ASTN2: variants seen among roughly 807,000 people sequenced by gnomAD.
ASTN2 encodes astrotactin-2.
ASTN2 carries 54 observed loss-of-function variants against 139.8 expected under a neutral mutation model. That is an observed-to-expected ratio of 0.39 (90% CI 0.31 to 0.48). The LOEUF (loss-of-function observed/expected upper bound fraction) is 0.48. ASTN2 is among the 20% of genes least tolerant of loss of function. ASTN2 has a pLI of 0.95. For missense variants in ASTN2, 1,565 were observed against 1,725.1 expected (o/e 0.91, Z 1.64); for synonymous variants, 756 against 719.5 (o/e 1.05, Z -0.81).
At chr9:116,751,136 C>T (rs370707780) in intron 13 of ASTN2, among the ~76,000 whole-genome samples, 2 of 152,258 alleles carry the variant, frequency 1.3e-5, no homozygotes. Flanking sequence ...TGTTAAATTT[C>T]AGGAGCCTCA....
intron 10 of ASTN2, among the ~76,000 whole-genome samples, chr9:116,919,927 C>T (rs113801957): frequency 0.045 from 6,327 of 140,108 alleles, 284 homozygotes; most frequent in African/African-American, 0.12. Context: ...GGTGACAGAG[C>T]GAGAATCTGT....
In ASTN2 at chr9:116,651,499, G is replaced by C. The variant is rs771077650; in HGVS notation, c.3072+29C>G. On this transcript the variant is annotated intron_variant, in intron 17 of 22. Transcript: ENST00000313400. ...GGAGGTAGGAGGGCTGGTCAAGTTTGACTGAGTGGCTGGGCCAGGGGAGCT... is the reference window on the plus strand; with the variant it reads ...GGAGGTAGGAGGGCTGGTCAAGTTTCACTGAGTGGCTGGGCCAGGGGAGCT... 3 of 1,604,354 alleles carry C rather than the reference G, an allele frequency of 1.9e-6. No individual in the cohort carries two copies. In the East Asian group the frequency reaches 6.7e-5, roughly 36 times the overall value.
intron 11 of ASTN2, among the ~76,000 whole-genome samples, chr9:116,858,383 G>C (rs187137117): frequency 9.9e-5 from 15 of 152,282 alleles, no homozygotes; most frequent in Non-Finnish European, 1.3e-4. Flanking sequence ...TAATCAAAAG[G>C]CTTCCTGTGC....
chr9:117,112,006 TA>T lies in ASTN2; in HGVS notation c.1169-15856del, dbSNP rs149500481. On this transcript the variant is annotated intron_variant, in intron 4 of 22. Coordinates refer to ENST00000313400, the MANE Select transcript of ASTN2 (RefSeq NM_001365068.1). The stretch of plus-strand genomic sequence containing the variant: ...ATTTCTACATACTGGCAGCAAAAGC[TA>T]AAAAAAAAATTCAAAAATAATTCTA... Among the ~76,000 whole-genome samples, 28 of 148,718 alleles carry T rather than the reference TA, an allele frequency of 1.9e-4. No homozygotes were observed. The South Asian group carries it at 1.9e-3, about 10-fold the overall frequency.
At chr9:117,398,861 A>G (rs1284203142) in intron 1 of ASTN2, among the ~76,000 whole-genome samples, 13 of 152,210 alleles carry the variant, frequency 8.5e-5, no homozygotes, top group Admixed American at 7.2e-4. Context: ...GGCTCACTGC[A>G]GCCTCCGCCT....
chr9:116,997,796 T>G lies in ASTN2; in HGVS notation c.1591+10296A>C, dbSNP rs529280101. On this transcript the variant is annotated intron_variant, in intron 7 of 22. Transcript: ENST00000313400. ...AGCTATATAAAGTCTTTGCATGGTG[T>G]TTGGTACACAATAAGTGCCTAATAA... Among the ~76,000 whole-genome samples, 6 of 152,354 alleles carry G rather than the reference T, an allele frequency of 3.9e-5. No homozygotes were observed. In the South Asian group the frequency reaches 1.2e-3, roughly 32 times the overall value.
At chr9:117,098,919 G>A (rs1587961391) in intron 4 of ASTN2, among the ~76,000 whole-genome samples, 2 of 151,868 alleles carry the variant, frequency 1.3e-5, no homozygotes, top group Non-Finnish European at 2.9e-5. Flanking sequence ...ACCAGCCTGG[G>A]CAACACGGTG....
rs538264566 is a variant in ASTN2, at chr9:117,282,618, T to C, written c.630+8708A>G. Among the ~76,000 whole-genome samples the C allele has an allele frequency of 1.1e-4, 17 of 149,782 alleles. No homozygotes were observed. In the South Asian group the frequency reaches 2.1e-3, roughly 18 times the overall value. ...TGGCTCTGGGCTTGGCCATGTGATG[T>C]GCTTTGGCCGATAGAATGTGAGAGA... On this transcript the variant is annotated intron_variant, in intron 2 of 22. Coordinates refer to ENST00000313400, the MANE Select transcript of ASTN2 (RefSeq NM_001365068.1).
chr9:116,773,083 C>T (rs1440362509), intron 13 of ASTN2, among the ~76,000 whole-genome samples: 2 of 78,640 alleles, frequency 2.5e-5, no homozygotes, highest in Non-Finnish European at 5.6e-5. Context: ...GACCTCCATC[C>T]TATTTTTTTT....
intron 1 of ASTN2, among the ~76,000 whole-genome samples, chr9:117,298,670 G>GTGTA (rs1554717041): frequency 4.1e-4 from 56 of 136,468 alleles, no homozygotes; most frequent in South Asian, 2.2e-3. Flanking sequence ...ATATATATGT[G>GTGTA]TATATATATA....
chr9:117,210,194 A>C (rs1321057852), intron 3 of ASTN2, among the ~76,000 whole-genome samples: 1 of 152,146 alleles, frequency 6.6e-6, no homozygotes, highest in African/African-American at 2.4e-5. Flanking sequence ...AGAATGAAAG[A>C]AATAGATCAG....
intron 2 of ASTN2, among the ~76,000 whole-genome samples, chr9:117,244,595 G>C (rs1477453157): frequency 1.6e-5 from 2 of 125,198 alleles, no homozygotes; most frequent in African/African-American, 3.0e-5. Flanking sequence ...GGGAGGGAGG[G>C]AGGGAGGGAG....
intron 19 of ASTN2, among the ~76,000 whole-genome samples, chr9:116,617,075 C>T (rs1855895629): frequency 6.6e-6 from 1 of 152,222 alleles, no homozygotes; most frequent in African/African-American, 2.4e-5. Context: ...CTGTCTCTTT[C>T]AGTCAATAAT....
intron 7 of ASTN2, among the ~76,000 whole-genome samples, chr9:116,996,843 G>T (rs1377588264): frequency 1.3e-5 from 2 of 151,766 alleles, no homozygotes; most frequent in African/African-American, 4.8e-5. Context: ...AACCTTCCTG[G>T]ATTTATTTTT....
intron 10 of ASTN2, among the ~76,000 whole-genome samples, chr9:116,881,979 C>T (rs1204857089): frequency 6.6e-6 from 1 of 152,134 alleles, no homozygotes; most frequent in African/African-American, 2.4e-5. Flanking sequence ...CAGTGATCAT[C>T]AATAATTGTA....
At chr9:116,905,621 A>G (rs545661709) in intron 10 of ASTN2, among the ~76,000 whole-genome samples, 1 of 152,318 alleles carries the variant, frequency 6.6e-6, no homozygotes, top group African/African-American at 2.4e-5. Flanking sequence ...CAAATTGCCT[A>G]GTACAATAAG....
intron 19 of ASTN2, among the ~76,000 whole-genome samples, chr9:116,534,223 T>C (rs1851502944): frequency 6.6e-6 from 1 of 152,204 alleles, no homozygotes; most frequent in South Asian, 2.1e-4. Context: ...TTTATCATTT[T>C]TTATTGCGTC....
chr9:116,638,503 C>T (rs1421914101), intron 17 of ASTN2, among the ~76,000 whole-genome samples: 1 of 149,762 alleles, frequency 6.7e-6, no homozygotes, highest in Non-Finnish European at 1.5e-5. Context: ...CCTTTGTCTA[C>T]AGGTTTTTCA....
intron 4 of ASTN2, among the ~76,000 whole-genome samples, chr9:117,134,719 G>A (rs1043089922): frequency 1.3e-5 from 2 of 152,152 alleles, no homozygotes; most frequent in South Asian, 4.1e-4. Flanking sequence ...CCCCAGTTTA[G>A]TAAATACCCC....
Sources: allele counts gnomAD v4.1 joint callset (sites outside exome capture counted in the v4.1 genomes callset), GRCh38; gene constraint gnomAD v4.1.1; transcripts MANE v1.5; gene names NCBI Gene and HGNC (gene_info 2026-07-23, HGNC 2026-07-21).